TENM4: variants seen among roughly 807,000 people sequenced by gnomAD.
TENM4 encodes teneurin transmembrane protein 4, also known as teneurin-4.
Under a neutral mutation model 243.3 loss-of-function variants are expected in TENM4, and 82 were observed. That is an observed-to-expected ratio of 0.34 (90% CI 0.28 to 0.40). The LOEUF (loss-of-function observed/expected upper bound fraction) is 0.40. Among genes scored for constraint, TENM4 ranks in the 10% least tolerant of loss-of-function variants. The pLI is 1.00. For missense variants in TENM4, 3,138 were observed against 3,673.3 expected (o/e 0.85, Z 3.77); for synonymous variants, 1,412 against 1,456.3 (o/e 0.97, Z 0.69).
chr11:78,831,057 C>T (rs1416415227), intron 12 of TENM4, among the ~76,000 whole-genome samples: 1 of 152,114 alleles, frequency 6.6e-6, no homozygotes, highest in East Asian at 1.9e-4. Context: ...TATGGTTATC[C>T]CTACTTTTCA....
At chr11:79,146,424 C>T (rs1457955742) in intron 4 of TENM4, among the ~76,000 whole-genome samples, 1 of 152,080 alleles carries the variant, frequency 6.6e-6, no homozygotes, top group Non-Finnish European at 1.5e-5. Flanking sequence ...TTGCCAGCCC[C>T]ATGGCCCAGA....
chr11:78,899,740 C>G (rs1481625236), intron 7 of TENM4, among the ~76,000 whole-genome samples: 1 of 152,064 alleles, frequency 6.6e-6, no homozygotes, highest in Non-Finnish European at 1.5e-5. Flanking sequence ...TTAAAAAGAG[C>G]CTGGCACCTC....
intron 6 of TENM4, among the ~76,000 whole-genome samples, chr11:78,915,400 T>C (rs1446010021): frequency 1.3e-5 from 2 of 152,078 alleles, no homozygotes. Context: ...TATCATAGCC[T>C]GTGTGAGGCT....
intron 2 of TENM4, among the ~76,000 whole-genome samples, chr11:79,225,773 G>A (rs766133078): frequency 7.9e-5 from 12 of 152,084 alleles, no homozygotes; most frequent in African/African-American, 2.2e-4. Context: ...GTGAGCCACC[G>A]TGCTCAGTCC....
In TENM4 at chr11:79,123,997, G is replaced by A. The variant is rs537448716; in HGVS notation, c.-66+24713C>T. On this transcript the variant is annotated intron_variant, in intron 4 of 33. Transcript: ENST00000278550. ...TCTTTTTTTAAACCCATTTTATAGG[G>A]CTGATGTATCACAGAACACAGCTTG... Among the ~76,000 whole-genome samples the A allele has an allele frequency of 1.2e-4, 19 of 152,122 alleles. No homozygotes were observed. The South Asian group carries it at 3.5e-3, about 28-fold the overall frequency.
chr11:79,334,402 G>A (rs1265364226), intron 1 of TENM4, among the ~76,000 whole-genome samples: 1 of 152,140 alleles, frequency 6.6e-6, no homozygotes, highest in East Asian at 1.9e-4. Context: ...AACTTTCACC[G>A]CAGCCTTCAA....
At chr11:79,187,245 A>C (rs1863396626) in intron 3 of TENM4, among the ~76,000 whole-genome samples, 1 of 152,218 alleles carries the variant, frequency 6.6e-6, no homozygotes, top group South Asian at 2.1e-4. Context: ...AATCCTTTCC[A>C]CTGGGGATAA....
At chr11:79,365,891 A>C (rs991408498) in intron 1 of TENM4, among the ~76,000 whole-genome samples, 2 of 152,198 alleles carry the variant, frequency 1.3e-5, no homozygotes, top group East Asian at 3.9e-4. Context: ...GGGGTAAGGC[A>C]TTAGGAGCTG....
chr11:79,184,907 A>C (rs1863354658), intron 3 of TENM4, among the ~76,000 whole-genome samples: 1 of 152,234 alleles, frequency 6.6e-6, no homozygotes, highest in Admixed American at 6.5e-5. Flanking sequence ...AAATTTAAAC[A>C]AGTAAGACTC....
chr11:79,202,238 G>A (rs1243290698), intron 3 of TENM4, among the ~76,000 whole-genome samples: 1 of 152,168 alleles, frequency 6.6e-6, no homozygotes, highest in African/African-American at 2.4e-5. Flanking sequence ...CTGCTGTGAG[G>A]GACTTTTCCC....
chr11:79,335,601 C>G lies in TENM4; in HGVS notation c.-320-38058G>C, dbSNP rs147831181. Among the ~76,000 whole-genome samples the G allele has an allele frequency of 1.9e-3, 289 of 152,260 alleles. 3 individuals carry two copies. The highest frequency in any genetic ancestry group is 6.5e-3 in the African/African-American group (269 of 41,552). Reference sequence around the variant, plus strand: ...ATCCTTCTCAGAAGACACCAGAGTACCTCTGATGTATGGGAGTGACTCTAT... The same window carrying G: ...ATCCTTCTCAGAAGACACCAGAGTAGCTCTGATGTATGGGAGTGACTCTAT... On this transcript the variant is annotated intron_variant, in intron 1 of 33. Transcript: ENST00000278550.
intron 3 of TENM4, among the ~76,000 whole-genome samples, chr11:79,162,279 A>G (rs1185486462): frequency 6.6e-6 from 1 of 152,178 alleles, no homozygotes; most frequent in Non-Finnish European, 1.5e-5. Flanking sequence ...TATGGGAAAA[A>G]TTAATTAAAC....
chr11:79,006,155 C>T (rs1039652619), intron 6 of TENM4, among the ~76,000 whole-genome samples: 6 of 152,138 alleles, frequency 3.9e-5, no homozygotes, highest in African/African-American at 1.2e-4. Context: ...CTTTTTGAGG[C>T]AGTCATAATG....
intron 1 of TENM4, among the ~76,000 whole-genome samples, chr11:79,306,018 G>A (rs1242119179): frequency 2.0e-5 from 3 of 152,182 alleles, no homozygotes; most frequent in Non-Finnish European, 2.9e-5. Flanking sequence ...CTCTGCTGGC[G>A]CAGGGGCTCC....
At chr11:79,396,401 A>T (rs1858345596) in intron 1 of TENM4, among the ~76,000 whole-genome samples, 1 of 152,208 alleles carries the variant, frequency 6.6e-6, no homozygotes, top group Admixed American at 6.5e-5. Context: ...CCCAGAAAGT[A>T]GGAGGTAAAA....
chr11:78,856,144 G>T lies in TENM4; in HGVS notation c.1290C>A (p.Phe430Leu). The T allele has an allele frequency of 6.4e-7, 1 of 1,551,636 alleles. No homozygotes were observed. The part of the protein sequence containing the change: ...KPSSFFPEDS[F>L]IDSGEIDVGR... ...CCACATCAATTTCTCCAGAATCTAT[G>T]AAACTGTCCTCTGGAAAGAAACTAC... is the stretch of plus-strand genomic sequence containing the variant. Residue 430 changes from phenylalanine (F) to leucine (L), a missense_variant, in exon 11 of 34, where the codon TTC becomes TTA. Coordinates refer to ENST00000278550, the MANE Select transcript of TENM4 (RefSeq NM_001098816.3).
chr11:78,838,637 A>T (rs1858177833), intron 12 of TENM4, among the ~76,000 whole-genome samples: 1 of 152,136 alleles, frequency 6.6e-6, no homozygotes, highest in Admixed American at 6.5e-5. Context: ...CAGGCAGGTA[A>T]GTTAAAGGAG....
intron 4 of TENM4, among the ~76,000 whole-genome samples, chr11:79,089,703 G>A (rs1860901084): frequency 6.6e-6 from 1 of 152,176 alleles, no homozygotes; most frequent in South Asian, 2.1e-4. Flanking sequence ...AGGCAAGAGT[G>A]TGGGGTCTGG....
chr11:79,266,633 TAA>T, intron 2 of TENM4, among the ~76,000 whole-genome samples: 1 of 152,288 alleles, frequency 6.6e-6, no homozygotes, highest in East Asian at 1.9e-4. Flanking sequence ...CGCTGTGCAC[TAA>T]AGAGTTTAAG....
Sources: gnomAD v4.1 joint callset for allele counts (sites outside exome capture counted in the v4.1 genomes callset) on GRCh38, gnomAD v4.1.1 for gene constraint, MANE v1.5 for transcripts, NCBI Gene and HGNC (gene_info 2026-07-23, HGNC 2026-07-21) for gene names.